The following MTARC1 variants were observed in gnomAD, a reference collection of about 807,000 sequenced individuals.
MTARC1 encodes mitochondrial amidoxime-reducing component 1.
Under a neutral mutation model 33.6 loss-of-function variants are expected in MTARC1, and 24 were observed. The observed-to-expected ratio is 0.72, with a 90% confidence interval of 0.52 to 1.01. MTARC1 has a LOEUF of 1.01. Among genes scored for constraint, MTARC1 ranks in the 50% least tolerant of loss-of-function variants. The pLI is 0.00. For missense variants in MTARC1, 417 were observed against 445.7 expected, an observed-to-expected ratio of 0.94 and a Z score of 0.58; for synonymous variants, 187 against 189.5, an observed-to-expected ratio of 0.99 and a Z score of 0.11.
intron 3 of MTARC1, 113 bp from the exon 4 acceptor site, chr1:220,797,761 A>C (rs1571669546): frequency 1.0e-6 from 1 of 973,782 alleles, no homozygotes; most frequent in East Asian, 2.5e-5. Context: ...CTACTTTGAA[A>C]GATTGTGTGT....
At chr1:220,788,797 C>CAAAAAA (rs34563265) in intron 1 of MTARC1, among the ~76,000 whole-genome samples, 36 of 140,266 alleles carry the variant, frequency 2.6e-4, no homozygotes, top group African/African-American at 7.4e-4. Flanking sequence ...GACTAAGTCT[C>CAAAAAA]AAAAAAAAAA....
chr1:220,805,370 C>G (rs1257897390), intron 6 of MTARC1, 96 bp downstream of exon 6: 2 of 1,286,728 alleles, frequency 1.6e-6, no homozygotes, highest in Non-Finnish European at 2.3e-6. Flanking sequence ...GCAGTGAAAA[C>G]ACCACACACA....
intron 6 of MTARC1, among the ~76,000 whole-genome samples, chr1:220,809,748 G>A (rs1221368604): frequency 6.6e-6 from 1 of 152,238 alleles, no homozygotes; most frequent in Non-Finnish European, 1.5e-5. Context: ...GACCTCAGGT[G>A]ACGTGTCTGC....
At chr1:220,791,220 A>G (rs1672409760) in intron 1 of MTARC1, 1 of 276,244 alleles carries the variant, frequency 3.6e-6, no homozygotes, top group East Asian at 6.6e-5. Context: ...AATATAATTA[A>G]CATCTTTGAT....
intron 4 of MTARC1, among the ~76,000 whole-genome samples, chr1:220,802,889 C>T (rs540795981): frequency 6.6e-6 from 1 of 152,314 alleles, no homozygotes; most frequent in African/African-American, 2.4e-5. Context: ...CGTGATCTCT[C>T]CCGCTCTAAA....
At chr1:220,798,233 A>G (rs1479064283) in intron 4 of MTARC1, 1 of 1,474,702 alleles carries the variant, frequency 6.8e-7, no homozygotes, top group Non-Finnish European at 9.0e-7. Context: ...TCAAGGAGGC[A>G]GTTCAGTATC....
At chr1:220,800,769 G>A (rs993011471) in intron 4 of MTARC1, among the ~76,000 whole-genome samples, 1 of 151,982 alleles carries the variant, frequency 6.6e-6, no homozygotes, top group African/African-American at 2.4e-5. Flanking sequence ...GTGCTGTCTC[G>A]CCCATCTCAG....
At chr1:220,806,180 T>C (rs968342837) in intron 6 of MTARC1, among the ~76,000 whole-genome samples, 2 of 152,218 alleles carry the variant, frequency 1.3e-5, no homozygotes, top group Non-Finnish European at 2.9e-5. Flanking sequence ...AGAGCTGATA[T>C]CTGCCAAATT....
chr1:220,787,131 A>G lies in MTARC1; in HGVS notation c.187A>G (p.Ile63Val). ...QQVGTVAQLW[I>V]YPVKSCKGVP... ...GGTGGGCACAGTGGCGCAGCTCTGG[A>G]TCTACCCTGTGAAATCCTGCAAGGG... The change falls in exon 1 of 7, where the codon ATC (isoleucine) becomes GTC (valine). Residue 63 changes from isoleucine to valine, a missense_variant. Coordinates refer to ENST00000366910, the MANE Select transcript of MTARC1 (RefSeq NM_022746.4). 6.4e-7 allele frequency: 1 copy of G among 1,563,658 alleles called. No individual in the cohort carries two copies. Among genetic ancestry groups the G allele is most frequent in the East Asian group, 2.4e-5 (1 of 41,156 alleles).
At chr1:220,809,094 T>G (rs1001788002) in intron 6 of MTARC1, 3 of 360,380 alleles carry the variant, frequency 8.3e-6, no homozygotes, top group South Asian at 2.1e-5. Flanking sequence ...ATAGCAGTGG[T>G]AACTCCATGG....
At position 220,818,431 on chromosome 1, in the gene MTARC1, T is replaced by C. The variant is rs1431030123; in HGVS notation, c.*5013T>C. The stretch of plus-strand genomic sequence containing the variant: ...CAGCCTCTTCCAAGGCCATTTTTGA[T>C]AGGCAGGTCAAATTCACTCACATTT... On this transcript the variant is annotated 3_prime_UTR_variant, in exon 7 of 7. Transcript: ENST00000366910. The C allele has an allele frequency of 6.6e-6, 1 of 152,278 alleles. No homozygotes were observed. The highest frequency in any genetic ancestry group is 1.5e-5 in the Non-Finnish European group (1 of 68,062). 9.4% of individuals were successfully genotyped at this position (152,278 alleles called of 1,614,324 possible).
At position 220,812,795 on chromosome 1, in the gene MTARC1, G is replaced by A. The variant is rs78139149; in HGVS notation, c.888-497G>A. Among the ~76,000 whole-genome samples, 773 of 151,514 alleles carry A rather than the reference G, an allele frequency of 5.1e-3. 11 individuals carry two copies. Among genetic ancestry groups the A allele is most frequent in the East Asian group, 0.05 (255 of 5,140 alleles). ...GCTGGAGCGCAGTGGCACAATCTCCGCTCACTGCAAGCTCCGCCTCCCAAG... is the reference window on the plus strand; with the variant it reads ...GCTGGAGCGCAGTGGCACAATCTCCACTCACTGCAAGCTCCGCCTCCCAAG... On this transcript the variant is annotated intron_variant, in intron 6 of 6. Coordinates refer to ENST00000366910, the MANE Select transcript of MTARC1 (RefSeq NM_022746.4).
At chr1:220,796,574 A>G in intron 2 of MTARC1, 69 bp from the exon 3 acceptor site, 1 of 1,465,894 alleles carries the variant, frequency 6.8e-7, no homozygotes, top group South Asian at 1.4e-5. Flanking sequence ...TTTCTGATAT[A>G]GCTGGCACAT....
intron 4 of MTARC1, chr1:220,798,522 C>T (rs902359075): frequency 4.1e-6 from 4 of 985,306 alleles, no homozygotes; most frequent in South Asian, 9.4e-5. Context: ...CAGATGTTTG[C>T]GTGGTGACTT....
At chr1:220,798,714 C>T in intron 4 of MTARC1, 19 of 748,996 alleles carry the variant, frequency 2.5e-5, no homozygotes, top group Non-Finnish European at 3.1e-5. Flanking sequence ...TCAACAGAAA[C>T]CCTGACCCAC....
Position 220,787,990 on chromosome 1 carries a change from A to G in MTARC1, c.275+771A>G, listed in dbSNP as rs1672295171. On this transcript the variant is annotated intron_variant, in intron 1 of 6. Transcript: ENST00000366910. ...GCCACTGCACTCCAGCCTGGGCAAC[A>G]GAGCGAGACTCCGAATCAAAAAAAG... 2.6e-5 allele frequency among the ~76,000 whole-genome samples: 4 copies of G among 151,928 alleles called. 1 individual carries two copies.
In MTARC1 at chr1:220,815,756, C is replaced by T. The variant is rs1184556072; in HGVS notation, c.*2338C>T. ...ATATAGAATCAGGAATGTAGGCCATCCCAGACTTTCAGATCTTACAACAGC... is the reference window on the plus strand; with the variant it reads ...ATATAGAATCAGGAATGTAGGCCATTCCAGACTTTCAGATCTTACAACAGC... On this transcript the variant is annotated 3_prime_UTR_variant, in exon 7 of 7. Coordinates refer to ENST00000366910, the MANE Select transcript of MTARC1 (RefSeq NM_022746.4). 6.6e-6 allele frequency: 1 copy of T among 152,212 alleles called. No individual in the cohort carries two copies. The highest frequency in any genetic ancestry group is 1.5e-5 in the Non-Finnish European group (1 of 68,048). 9.4% of individuals were successfully genotyped at this position (152,212 alleles called of 1,614,324 possible).
intron 6 of MTARC1, 44 bp from the exon 7 acceptor site, chr1:220,813,248 G>T (rs1437154831): frequency 6.2e-7 from 1 of 1,613,118 alleles, no homozygotes; most frequent in Admixed American, 1.7e-5. Context: ...TTGAGCTCTT[G>T]CATCCGCTTG....
At chr1:220,804,093 G>A (rs543638327) in intron 4 of MTARC1, among the ~76,000 whole-genome samples, 14 of 152,300 alleles carry the variant, frequency 9.2e-5, no homozygotes, top group African/African-American at 3.1e-4. Flanking sequence ...GGGTAAGAAG[G>A]TCAGGACTAT....
Sources: allele counts gnomAD v4.1 joint callset (sites outside exome capture counted in the v4.1 genomes callset), GRCh38; gene constraint gnomAD v4.1.1; transcripts MANE v1.5; gene names NCBI Gene and HGNC (gene_info 2026-07-23, HGNC 2026-07-21).